The following CATSPERG variants were observed in gnomAD, a reference collection of about 807,000 sequenced individuals.
CATSPERG encodes the protein cation channel sperm-associated auxiliary subunit gamma.
Under a neutral mutation model 145.0 loss-of-function variants are expected in CATSPERG, and 115 were observed. The observed-to-expected ratio is 0.79, with a 90% confidence interval of 0.68 to 0.93. The LOEUF is 0.93. Among genes scored for constraint, CATSPERG ranks in the 40% least tolerant of loss-of-function variants. CATSPERG has a pLI of 0.00. For synonymous variants in CATSPERG, 588 were observed against 589.0 expected (o/e 1.00, Z 0.02); for missense variants, 1,296 against 1,490.1 (o/e 0.87, Z 2.14).
chr19:38,364,636 A>C (rs1321732208), intron 20 of CATSPERG, among the ~76,000 whole-genome samples: 1 of 152,228 alleles, frequency 6.6e-6, no homozygotes. Context: ...GACACCATTG[A>C]GCACTGAGTG....
intron 3 of CATSPERG, among the ~76,000 whole-genome samples, chr19:38,338,651 T>C (rs978360135): frequency 6.6e-6 from 1 of 151,930 alleles, no homozygotes; most frequent in African/African-American, 2.4e-5. Flanking sequence ...GCCTCTTGAA[T>C]AGCTGGGACT....
At chr19:38,344,515 A>G (rs1969993708) in intron 6 of CATSPERG, 147 bp downstream of exon 6, 1 of 719,100 alleles carries the variant, frequency 1.4e-6, no homozygotes, top group African/African-American at 1.8e-5. Flanking sequence ...CTCCCCAGTG[A>G]CCTGTCGAGG....
intron 19 of CATSPERG, 40 bp downstream of exon 19, chr19:38,362,614 A>G (rs747558785): frequency 1.9e-6 from 3 of 1,588,962 alleles, no homozygotes; most frequent in South Asian, 2.2e-5. Context: ...GGGCGGGGCG[A>G]GGGCTACCAG....
chr19:38,356,431 G>GC lies in CATSPERG; in HGVS notation c.1136-52dup, dbSNP rs1168390212. Reference sequence around the variant, plus strand: ...AGGGCAATCGGAGTTGGCTTGATGGGCTGCCAGACAGGAGGGAGAGGGCCT... The same window carrying GC: ...AGGGCAATCGGAGTTGGCTTGATGGGCCTGCCAGACAGGAGGGAGAGGGCCT... On this transcript the variant is annotated intron_variant, in intron 9 of 28. Transcript: ENST00000409235. 3 of 1,579,060 alleles carry GC rather than the reference G, an allele frequency of 1.9e-6. No homozygotes were observed. In the African/African-American group the frequency reaches 4.0e-5, roughly 21 times the overall value.
At chr19:38,359,671 A>C in intron 14 of CATSPERG, 90 bp downstream of exon 14, 3 of 1,499,198 alleles carry the variant, frequency 2.0e-6, no homozygotes, top group Non-Finnish European at 9.0e-7. Flanking sequence ...AAAGGAGCCA[A>C]GGGAAGGGGG....
chr19:38,368,646 C>T (rs532926697), intron 26 of CATSPERG, among the ~76,000 whole-genome samples: 4 of 152,312 alleles, frequency 2.6e-5, no homozygotes, highest in South Asian at 4.1e-4. Context: ...CAGGTTCAAG[C>T]GATTCTCCTG....
chr19:38,362,218 G>C lies in CATSPERG; in HGVS notation c.2103G>C (p.Ala701=). The change falls in exon 18 of 29, where the codon GCG becomes GCC. Residue 701 remains alanine (A), a synonymous_variant. Coordinates refer to ENST00000409235, the MANE Select transcript of CATSPERG (RefSeq NM_021185.5). ...WLHSVYDKPY[A]DPVHDPTWRW... ...CCGGGCGATCCCTGCAGCCGTACGC[G>C]GACCCGGTGCACGACCCCACCTGGC... 2 of 1,600,812 alleles carry C rather than the reference G, an allele frequency of 1.2e-6. No homozygotes were observed. The highest frequency in any genetic ancestry group is 1.7e-5 in the Admixed American group (1 of 57,790).
Position 38,344,388 on chromosome 19 carries a change from GA to G in CATSPERG, c.669+25del. ...GAGGAGGTGAGGGAATATGGCAGGG[GA>G]AAAAGACAATGGTCTGGGCCTTAGG... On this transcript the variant is annotated intron_variant, in intron 6 of 28. Transcript: ENST00000409235. 6.5e-7 allele frequency: 1 copy of G among 1,547,492 alleles called. No homozygotes were observed. Among genetic ancestry groups the G allele is most frequent in the Non-Finnish European group, 8.7e-7 (1 of 1,143,320 alleles).
At chr19:38,336,888 T>G in intron 1 of CATSPERG, 5 of 410,336 alleles carry the variant, frequency 1.2e-5, no homozygotes, top group Non-Finnish European at 1.8e-5. Context: ...GCCAGAAACA[T>G]TAGTAGGGCT....
intron 14 of CATSPERG, chr19:38,359,846 A>G: frequency 8.3e-7 from 1 of 1,199,874 alleles, no homozygotes; most frequent in Non-Finnish European, 1.0e-6. Flanking sequence ...CTTCATAAAT[A>G]TTGAGCATTT....
chr19:38,336,967 GGGCGGGACCAGGAGCAAGTGCAGA>G (rs1969849356), intron 1 of CATSPERG: 5 of 558,582 alleles, frequency 9.0e-6, no homozygotes, highest in African/African-American at 5.7e-5. Flanking sequence ...GCAAGAGCAG[GGGCGGGACCAGGAGCAAGTGCAGA>G]GGCGGAGCCA....
chr19:38,343,361 C>T (rs1461633852), intron 3 of CATSPERG, among the ~76,000 whole-genome samples: 2 of 152,176 alleles, frequency 1.3e-5, no homozygotes, highest in Non-Finnish European at 2.9e-5. Context: ...CCAGGAAGGC[C>T]TCCGACTCCC....
rs368645121 is a variant in CATSPERG, at chr19:38,354,797, C to A, written c.1085C>A (p.Ala362Asp). 6.2e-7 allele frequency: 1 copy of A among 1,614,106 alleles called. No individual in the cohort carries two copies. Among genetic ancestry groups the A allele is most frequent in the South Asian group, 1.1e-5 (1 of 91,078 alleles). ...AGCAATGGCTCTGAGTACATAATGGCCCTCACCACGGGCAAGCATGAGGGT... is the reference window on the plus strand; with the variant it reads ...AGCAATGGCTCTGAGTACATAATGGACCTCACCACGGGCAAGCATGAGGGT... The part of the protein sequence containing the change: ...FHSNGSEYIM[A>D]LTTGKHEGYV... Residue 362 changes from alanine to aspartate, a missense_variant, in exon 9 of 29, where the codon GCC (alanine) becomes GAC (aspartate). Transcript: ENST00000409235.
intron 3 of CATSPERG, among the ~76,000 whole-genome samples, chr19:38,338,207 G>A (rs949810570): frequency 6.6e-6 from 1 of 151,920 alleles, no homozygotes; most frequent in African/African-American, 2.4e-5. Flanking sequence ...GGATTGCAGT[G>A]GCGCGATCTC....
At position 38,360,479 on chromosome 19, in the gene CATSPERG, A is replaced by G; in HGVS notation, c.1609-10A>G. On this transcript the variant is annotated splice_polypyrimidine_tract_variant and intron_variant, in intron 14 of 28. Coordinates refer to ENST00000409235, the MANE Select transcript of CATSPERG (RefSeq NM_021185.5). ...CCTGACACACACACATCCGGCTGTC[A>G]TACCCGCAGATCTGGTACCTCCTGG... The G allele has an allele frequency of 6.2e-7, 1 of 1,613,896 alleles. No individual in the cohort carries two copies. Among genetic ancestry groups the G allele is most frequent in the Non-Finnish European group, 8.5e-7 (1 of 1,179,964 alleles).
chr19:38,348,007 C>T (rs1486986031), intron 7 of CATSPERG, among the ~76,000 whole-genome samples: 1 of 151,634 alleles, frequency 6.6e-6, no homozygotes, highest in East Asian at 1.9e-4. Flanking sequence ...CTCACAATTT[C>T]TGAGGATCCC....
chr19:38,367,641 G>A, intron 24 of CATSPERG, 40 bp from the exon 25 acceptor site: 1 of 1,612,446 alleles, frequency 6.2e-7, no homozygotes, highest in Non-Finnish European at 8.5e-7. Context: ...CAGGACTCGA[G>A]ACCCGGAGGC....
In CATSPERG at chr19:38,352,414, G is replaced by C. The variant is rs751460339; in HGVS notation, c.979G>C (p.Glu327Gln). 1.3e-6 allele frequency: 2 copies of C among 1,551,920 alleles called. No individual in the cohort carries two copies. The highest frequency in any genetic ancestry group is 2.4e-5 in the East Asian group (1 of 40,872). ...TACAGGCACCTATACCACACTCTATGAGAGAAACCGCGGCAGTGGTGAGTG... is the reference window on the plus strand; with the variant it reads ...TACAGGCACCTATACCACACTCTATCAGAGAAACCGCGGCAGTGGTGAGTG... ...YFTGTYTTLY[E>Q]RNRGSGSWIR... Residue 327 changes from glutamate (E) to glutamine (Q), a missense_variant, in exon 8 of 29, where the codon GAG (glutamate) becomes CAG (glutamine). Coordinates refer to ENST00000409235, the MANE Select transcript of CATSPERG (RefSeq NM_021185.5).
Position 38,362,581 on chromosome 19 carries a change from G to A in CATSPERG, c.2356+7G>A. The A allele has an allele frequency of 6.2e-7, 1 of 1,613,826 alleles. No homozygotes were observed. Among genetic ancestry groups the A allele is most frequent in the South Asian group, 1.1e-5 (1 of 91,086 alleles). Reference sequence around the variant, plus strand: ...CGGACGCAGTCAGAACTCGGTCTGCGCGGGACCAGAGTGGAGCCCGAAGGG... The same window carrying A: ...CGGACGCAGTCAGAACTCGGTCTGCACGGGACCAGAGTGGAGCCCGAAGGG... On this transcript the variant is annotated splice_region_variant and intron_variant, in intron 19 of 28. Transcript: ENST00000409235.
Sources: gnomAD v4.1 joint callset for allele counts (sites outside exome capture counted in the v4.1 genomes callset) on GRCh38, gnomAD v4.1.1 for gene constraint, MANE v1.5 for transcripts, NCBI Gene and HGNC (gene_info 2026-07-23, HGNC 2026-07-21) for gene names.